The following PLXNC1 variants were observed in gnomAD, a reference collection of about 807,000 sequenced individuals.
PLXNC1 encodes the protein plexin C1.
PLXNC1 carries 75 observed loss-of-function variants against 178.2 expected under a neutral mutation model. The ratio of observed to expected loss-of-function variants is 0.42; its 90% CI spans 0.35 to 0.51. The LOEUF (loss-of-function observed/expected upper bound fraction) is 0.51, where lower values mean the gene tolerates loss of function less well. PLXNC1 is among the 20% of genes least tolerant of loss of function. PLXNC1 has a pLI of 0.02. For missense variants in PLXNC1, 1,503 were observed against 1,984.4 expected (o/e 0.76, Z 4.61); for synonymous variants, 790 against 779.9 (o/e 1.01, Z -0.22).
chr12:94,149,904 C>T lies in PLXNC1; in HGVS notation c.933C>T (p.Ser311=), dbSNP rs1014240927. The T allele has an allele frequency of 1.3e-6, 2 of 1,588,718 alleles. No individual in the cohort carries two copies. Among genetic ancestry groups the T allele is most frequent in the Non-Finnish European group, 1.7e-6 (2 of 1,168,468 alleles). Residue 311 remains serine, a synonymous_variant, in exon 1 of 31, where the codon AGC becomes AGT. Coordinates refer to ENST00000258526, the MANE Select transcript of PLXNC1 (RefSeq NM_005761.3). The part of the protein sequence containing the change: ...EALDVWAGVF[S]AAAGEGQERR... ...TGGACGTCTGGGCGGGAGTGTTCAG[C>T]GCGGCCGCTGGAGAGGGCCAGGAGC... is the stretch of plus-strand genomic sequence containing the variant.
chr12:94,247,003 C>T (rs1013243122), intron 12 of PLXNC1, among the ~76,000 whole-genome samples: 3 of 152,124 alleles, frequency 2.0e-5, no homozygotes, highest in African/African-American at 7.2e-5. Context: ...CACCAGCCTC[C>T]TCTGCCTGTC....
Position 94,266,930 on chromosome 12 carries a change from A to G in PLXNC1, c.3597+1705A>G, listed in dbSNP as rs952818841. ...TTCCCTCGGGACTGACTGAATCAGA[A>G]TCTCTGGGGAGGGAGCCCAGGCGTG... is the stretch of plus-strand genomic sequence containing the variant. On this transcript the variant is annotated intron_variant, in intron 21 of 30. Coordinates refer to ENST00000258526, the MANE Select transcript of PLXNC1 (RefSeq NM_005761.3). 8.5e-5 allele frequency among the ~76,000 whole-genome samples: 13 copies of G among 152,340 alleles called. No individual in the cohort carries two copies. The East Asian group carries it at 1.9e-3, about 23-fold the overall frequency.
intron 3 of PLXNC1, among the ~76,000 whole-genome samples, chr12:94,182,344 G>A (rs1227795810): frequency 1.4e-5 from 2 of 145,090 alleles, no homozygotes; most frequent in East Asian, 2.1e-4. Flanking sequence ...CTTGAGGCCA[G>A]GAGTTTAAGG....
At position 94,209,669 on chromosome 12, in the gene PLXNC1, C is replaced by T. The variant is rs1963407132; in HGVS notation, c.1519C>T (p.Pro507Ser). Residue 507 changes from proline to serine, a missense_variant, in exon 5 of 31, where the codon CCT becomes TCT. Physicochemically the swap from Pro to Ser is moderately conservative, Grantham distance 74. This residue lies in a region of PLXNC1 where 615 missense variants were observed against 698.6 expected (regional missense o/e 0.88). Coordinates refer to ENST00000258526, the MANE Select transcript of PLXNC1 (RefSeq NM_005761.3). ...LDISSGAKKCPKIQIIRSSKE... is the reference protein window; with the variant it reads ...LDISSGAKKCSKIQIIRSSKE... Reference sequence around the variant, plus strand: ...TATTTCGTCTGGAGCAAAAAAGTGCCCTAAAATTCAGATAATTCGAAGCAG... The same window carrying T: ...TATTTCGTCTGGAGCAAAAAAGTGCTCTAAAATTCAGATAATTCGAAGCAG... The T allele has an allele frequency of 2.5e-6, 4 of 1,611,546 alleles. No homozygotes were observed. The highest frequency in any genetic ancestry group is 2.2e-5 in the East Asian group (1 of 44,870).
chr12:94,238,392 T>C (rs1964296212), intron 10 of PLXNC1, among the ~76,000 whole-genome samples: 1 of 152,206 alleles, frequency 6.6e-6, no homozygotes, highest in Admixed American at 6.5e-5. Flanking sequence ...TTATTATTTC[T>C]GTCACTTCTT....
Position 94,237,711 on chromosome 12 carries a change from G to A in PLXNC1, c.2028G>A (p.Gly676=), listed in dbSNP as rs1565824138. Residue 676 remains glycine (G), a synonymous_variant, in exon 10 of 31, where the codon GGG becomes GGA. Coordinates refer to ENST00000258526, the MANE Select transcript of PLXNC1 (RefSeq NM_005761.3). ...AGCCACAGAAAGTATCGACATTAGGGAAAAGCAACGTGATAGTAACGGGAG... is the reference window on the plus strand; with the variant it reads ...AGCCACAGAAAGTATCGACATTAGGAAAAAGCAACGTGATAGTAACGGGAG... ...SIEPQKVSTL[G]KSNVIVTGAN... is the part of the protein sequence containing the mutation. The A allele has an allele frequency of 6.2e-7, 1 of 1,613,854 alleles. No homozygotes were observed. Among genetic ancestry groups the A allele is most frequent in the South Asian group, 1.1e-5 (1 of 91,060 alleles).
chr12:94,296,359 G>A (rs907312805), intron 24 of PLXNC1, among the ~76,000 whole-genome samples: 7 of 152,024 alleles, frequency 4.6e-5, no homozygotes, highest in South Asian at 2.1e-4. Flanking sequence ...ATGAGGTCTC[G>A]CTACATTGTC....
chr12:94,276,379 GGTGTGGGGAATTTAGCTTA>G (rs1965959446), intron 21 of PLXNC1, among the ~76,000 whole-genome samples: 1 of 151,968 alleles, frequency 6.6e-6, no homozygotes, highest in East Asian at 1.9e-4. Flanking sequence ...CCCTCCCACT[GGTGTGGGGAATTTAGCTTA>G]GGACATTGCT....
chr12:94,302,326 C>T lies in PLXNC1; in HGVS notation c.4386+1269C>T, dbSNP rs977690221. Among the ~76,000 whole-genome samples, 21 of 152,188 alleles carry T rather than the reference C, an allele frequency of 1.4e-4. 1 individual carries two copies. The highest frequency in any genetic ancestry group is 7.3e-5 in the Non-Finnish European group (5 of 68,032). ...CCCTTTGCTCATCTTTCCTGTCTCA[C>T]AGTCCCTCTGTCTAGTAAAATCCTA... is the stretch of plus-strand genomic sequence containing the variant. On this transcript the variant is annotated intron_variant, in intron 28 of 30. Coordinates refer to ENST00000258526, the MANE Select transcript of PLXNC1 (RefSeq NM_005761.3).
At chr12:94,279,439 A>C (rs1424541389) in intron 21 of PLXNC1, 33 bp from the exon 22 acceptor site, 1 of 1,583,818 alleles carries the variant, frequency 6.3e-7, no homozygotes, top group African/African-American at 1.4e-5. Context: ...GCAATTATCT[A>C]ATAGACTTGG....
At chr12:94,175,956 C>T (rs1198271370) in intron 2 of PLXNC1, among the ~76,000 whole-genome samples, 1 of 152,140 alleles carries the variant, frequency 6.6e-6, no homozygotes, top group Non-Finnish European at 1.5e-5. Flanking sequence ...TCAGGGAAGG[C>T]TTCTCAGAGG....
At chr12:94,295,637 C>G (rs991561456) in intron 24 of PLXNC1, among the ~76,000 whole-genome samples, 44 of 152,178 alleles carry the variant, frequency 2.9e-4, no homozygotes, top group African/African-American at 1.0e-3. Context: ...ATCAGCCCCT[C>G]TGTCAAAATC....
chr12:94,272,867 G>A (rs1175541123), intron 21 of PLXNC1, among the ~76,000 whole-genome samples: 2 of 152,210 alleles, frequency 1.3e-5, no homozygotes, highest in Admixed American at 1.3e-4. Flanking sequence ...GGGTGAGGAG[G>A]TCAAGCCTCC....
At chr12:94,159,472 G>T (rs1961296616) in intron 1 of PLXNC1, among the ~76,000 whole-genome samples, 1 of 152,188 alleles carries the variant, frequency 6.6e-6, no homozygotes, top group Admixed American at 6.5e-5. Flanking sequence ...GATCTGGGAA[G>T]AGCAGTGCTG....
chr12:94,168,853 A>G (rs894934252), intron 1 of PLXNC1, among the ~76,000 whole-genome samples: 3 of 152,232 alleles, frequency 2.0e-5, no homozygotes, highest in South Asian at 4.1e-4. Context: ...GTCTCTTGGC[A>G]CTAAAGTGGA....
chr12:94,170,002 C>T (rs559136487), intron 2 of PLXNC1, among the ~76,000 whole-genome samples: 1 of 152,212 alleles, frequency 6.6e-6, no homozygotes, highest in South Asian at 2.1e-4. Context: ...TTATCAATGT[C>T]ATCAGCAAGC....
chr12:94,297,078 T>C, intron 24 of PLXNC1, 111 bp from the exon 25 acceptor site: 1 of 1,005,910 alleles, frequency 9.9e-7, no homozygotes, highest in Non-Finnish European at 1.5e-6. Context: ...GTCAAAAAGC[T>C]CAAGTAACTT....
Position 94,297,235 on chromosome 12 carries a change from T to C in PLXNC1, c.3966+15T>C, listed in dbSNP as rs1242067893. 2.1e-5 allele frequency: 34 copies of C among 1,613,862 alleles called. No homozygotes were observed. The highest frequency in any genetic ancestry group is 2.8e-5 in the Non-Finnish European group (33 of 1,179,844). The stretch of plus-strand genomic sequence containing the variant: ...ACTGCCATTTGGTGAGTTCAGGCTT[T>C]CTTGTGCTCACCACTGAACTGCATG... On this transcript the variant is annotated intron_variant, in intron 25 of 30. Coordinates refer to ENST00000258526, the MANE Select transcript of PLXNC1 (RefSeq NM_005761.3).
intron 21 of PLXNC1, among the ~76,000 whole-genome samples, chr12:94,267,952 C>T (rs1331033646): frequency 6.6e-6 from 1 of 152,026 alleles, no homozygotes; most frequent in East Asian, 1.9e-4. Context: ...AATTGAAAAC[C>T]AAGGTGCGGT....
Sources: gnomAD v4.1 joint callset for allele counts (sites outside exome capture counted in the v4.1 genomes callset) on GRCh38, gnomAD v4.1.1 for gene constraint, gnomAD v4.1.1 regional missense constraint, MANE v1.5 for transcripts, NCBI Gene and HGNC (gene_info 2026-07-23, HGNC 2026-07-21) for gene names.